DNAH17: variants seen among roughly 807,000 people sequenced by gnomAD.
The protein encoded by DNAH17 is axonemal beta dynein heavy chain 17.
Under a neutral mutation model 485.6 loss-of-function variants are expected in DNAH17, and 376 were observed. The observed-to-expected ratio is 0.77, with a 90% CI of 0.71 to 0.84. The LOEUF (loss-of-function observed/expected upper bound fraction) is 0.84, where lower values mean the gene tolerates loss of function less well. Among genes scored for constraint, DNAH17 ranks in the 40% least tolerant of loss-of-function variants. The probability of loss-of-function intolerance (pLI) is 0.00; values close to 1 mark genes in which losing one functional copy is unlikely to be tolerated. For synonymous variants in DNAH17, 3,031 were observed against 2,405.9 expected (o/e 1.26, Z -7.60); for missense variants, 6,370 against 5,839.3 (o/e 1.09, Z -2.96).
At position 78,569,426 on chromosome 17, in the gene DNAH17, C is replaced by T; in HGVS notation, c.1146G>A (p.Glu382=). ...GISLAVNVLK[E]LYQTYDFCCV... ...AGCAGAAGTCGTACGTCTGGTAGAG[C>T]TCCTTCAGCACATTTACAGCCAGGG... Residue 382 remains glutamate, a synonymous_variant, in exon 8 of 81, where the codon GAG becomes GAA. Transcript: ENST00000389840. 2.5e-6 allele frequency: 4 copies of T among 1,612,692 alleles called. No individual in the cohort carries two copies. The highest frequency in any genetic ancestry group is 3.4e-6 in the Non-Finnish European group (4 of 1,179,318).
intron 40 of DNAH17, 116 bp from the exon 41 acceptor site, chr17:78,494,289 C>T (rs988740326): frequency 2.1e-6 from 3 of 1,419,154 alleles, no homozygotes; most frequent in Admixed American, 2.4e-5. Context: ...CCCTTGCCCT[C>T]CGATGCACGT....
Position 78,543,909 on chromosome 17 carries a change from T to C in DNAH17, c.2480A>G (p.Lys827Arg). The C allele has an allele frequency of 6.2e-7, 1 of 1,614,056 alleles. No individual in the cohort carries two copies. Among genetic ancestry groups the C allele is most frequent in the Non-Finnish European group, 8.5e-7 (1 of 1,179,902 alleles). The change falls in exon 17 of 81, where the codon AAG becomes AGG. Residue 827 changes from lysine (K) to arginine (R), a missense_variant. By Grantham distance (26) the Lys-to-Arg change is conservative. Coordinates refer to ENST00000389840, the MANE Select transcript of DNAH17 (RefSeq NM_173628.4). ...DLDGRIANLN[K>R]RYAAVRDAGV... is the part of the protein sequence containing the mutation. ...AGCATCCCTGACTGCTGCGTAGCGC[T>C]TGTTGAGGTTGGCAATTCTTCCATC...
chr17:78,446,173 C>CAAAAAAAAAAAA, intron 69 of DNAH17, among the ~76,000 whole-genome samples: 1 of 57,394 alleles, frequency 1.7e-5, no homozygotes, highest in African/African-American at 7.7e-5. Flanking sequence ...GACTCTGTCT[C>CAAAAAAAAAAAA]AAAAAAAAAA....
At chr17:78,484,821 C>A in intron 48 of DNAH17, 47 bp downstream of exon 48, 1 of 1,486,652 alleles carries the variant, frequency 6.7e-7, no homozygotes, top group South Asian at 1.3e-5. Context: ...GCCCCGCCCT[C>A]ACCGCCCCGG....
rs7405804 is a variant in DNAH17, at chr17:78,476,492, G to A, written c.8154+80C>T. 0.087 allele frequency: 128,393 copies of A among 1,478,328 alleles called. 7,797 individuals are homozygous for A. The highest frequency in any genetic ancestry group is 0.31 in the African/African-American group (21,670 of 70,858). 91.6% of individuals were successfully genotyped at this position (1,478,328 alleles called of 1,614,324 possible). A position where few individuals can be genotyped will look rare whatever the true frequency, so the allele number is the denominator to read the frequency against. On this transcript the variant is annotated intron_variant, in intron 52 of 80. Coordinates refer to ENST00000389840, the MANE Select transcript of DNAH17 (RefSeq NM_173628.4). ...AACAAAGGGCCCTTCTGAGAGGGCTGCAGTTCTCATTGGCCGCCGACACTC... is the reference window on the plus strand; with the variant it reads ...AACAAAGGGCCCTTCTGAGAGGGCTACAGTTCTCATTGGCCGCCGACACTC...
intron 9 of DNAH17, among the ~76,000 whole-genome samples, chr17:78,567,419 G>A (rs536672079): frequency 6.6e-6 from 1 of 152,266 alleles, no homozygotes; most frequent in African/African-American, 2.4e-5. Flanking sequence ...GGAGGAGCTG[G>A]AGAGGATAAA....
intron 5 of DNAH17, 56 bp downstream of exon 5, chr17:78,571,223 C>T: frequency 6.6e-7 from 1 of 1,507,762 alleles, no homozygotes. Context: ...TGACCCAGCC[C>T]TCCCAGGAGG....
At chr17:78,496,119 G>A in intron 37 of DNAH17, 87 bp from the exon 38 acceptor site, 1 of 1,443,262 alleles carries the variant, frequency 6.9e-7, no homozygotes, top group Non-Finnish European at 9.2e-7. Flanking sequence ...TAAAGCATGA[G>A]GCTGCGAATT....
chr17:78,518,421 G>A (rs1340008375), intron 25 of DNAH17, among the ~76,000 whole-genome samples: 1 of 152,120 alleles, frequency 6.6e-6, no homozygotes, highest in Non-Finnish European at 1.5e-5. Flanking sequence ...TACATAATGG[G>A]AAAAAGGGTC....
At position 78,558,612 on chromosome 17, in the gene DNAH17, G is replaced by A. The variant is rs964986190; in HGVS notation, c.2032-358C>T. Among the ~76,000 whole-genome samples, 3 of 152,162 alleles carry A rather than the reference G, an allele frequency of 2.0e-5. No homozygotes were observed. The South Asian group carries it at 6.2e-4, about 32-fold the overall frequency. Reference sequence around the variant, plus strand: ...GACATTATCCTTATGGGTGGATGATGTCATCATTGTAGGTGGATGATATCA... The same window carrying A: ...GACATTATCCTTATGGGTGGATGATATCATCATTGTAGGTGGATGATATCA... On this transcript the variant is annotated intron_variant, in intron 13 of 80. Transcript: ENST00000389840.
intron 13 of DNAH17, among the ~76,000 whole-genome samples, chr17:78,560,243 T>C (rs961943254): frequency 6.6e-6 from 1 of 152,188 alleles, no homozygotes; most frequent in Admixed American, 6.5e-5. Flanking sequence ...GAATGAATGT[T>C]AGTGAGTGGG....
At position 78,434,207 on chromosome 17, in the gene DNAH17, A is replaced by G; in HGVS notation, c.12047T>C (p.Met4016Thr). 1 of 1,607,904 alleles carries G rather than the reference A, an allele frequency of 6.2e-7. No homozygotes were observed. Among genetic ancestry groups the G allele is most frequent in the Non-Finnish European group, 8.5e-7 (1 of 1,175,370 alleles). Residue 4016 changes from methionine (M) to threonine (T), a missense_variant, in exon 75 of 81, where the codon ATG (methionine) becomes ACG (threonine). Physicochemically the swap from Met to Thr is moderately conservative, Grantham distance 81. Coordinates refer to ENST00000389840, the MANE Select transcript of DNAH17 (RefSeq NM_173628.4). Reference protein sequence around the residue: ...LDLFTQDTLEMCTKEMEFKCM... With the variant: ...LDLFTQDTLETCTKEMEFKCM... ...CTTGAACTCCATCTCCTTGGTGCAC[A>G]TCTCCAGGGTGTCCTGTGGGGCACA...
intron 16 of DNAH17, among the ~76,000 whole-genome samples, chr17:78,544,811 A>AG (rs2091710167): frequency 6.7e-6 from 1 of 150,052 alleles, no homozygotes; most frequent in Non-Finnish European, 1.5e-5. Context: ...AAAAAAAAAA[A>AG]AAAAAAAAAA....
chr17:78,476,619 C>T lies in DNAH17; in HGVS notation c.8107G>A (p.Glu2703Lys). Reference sequence around the variant, plus strand: ...GCCATGGTGACTCTATGCAATGTTTCCTGGTCTTTTTCGTCAACCATTTTG... The same window carrying T: ...GCCATGGTGACTCTATGCAATGTTTTCTGGTCTTTTTCGTCAACCATTTTG... Reference protein sequence around the residue: ...GDKMVDEKDQETLHRVTMAST... With the variant: ...GDKMVDEKDQKTLHRVTMAST... Residue 2703 changes from glutamate (E) to lysine (K), a missense_variant, in exon 52 of 81, where the codon GAA becomes AAA. Transcript: ENST00000389840. 1 of 1,611,814 alleles carries T rather than the reference C, an allele frequency of 6.2e-7. No homozygotes were observed. The highest frequency in any genetic ancestry group is 8.5e-7 in the Non-Finnish European group (1 of 1,178,982).
At chr17:78,567,862 G>T (rs1430332273) in intron 9 of DNAH17, among the ~76,000 whole-genome samples, 2 of 152,124 alleles carry the variant, frequency 1.3e-5, no homozygotes, top group East Asian at 3.9e-4. Flanking sequence ...CCCAAATGAG[G>T]TCTCCAAGGC....
At chr17:78,436,178 G>C (rs1468046098) in intron 74 of DNAH17, among the ~76,000 whole-genome samples, 1 of 152,218 alleles carries the variant, frequency 6.6e-6, no homozygotes, top group Admixed American at 6.5e-5. Context: ...TGTAATCCCA[G>C]CTATTTGGGA....
chr17:78,452,173 A>G (rs186265406), intron 65 of DNAH17, among the ~76,000 whole-genome samples: 290 of 151,268 alleles, frequency 1.9e-3, no homozygotes, highest in African/African-American at 6.7e-3. Context: ...CCCCTCCCAG[A>G]GTCTAGGACC....
chr17:78,468,885 T>G lies in DNAH17; in HGVS notation c.8512-2A>C, dbSNP rs1447968038. On this transcript the variant is annotated splice_acceptor_variant, in intron 54 of 80. Transcript: ENST00000389840. LOFTEE classifies it high-confidence loss of function. The stretch of plus-strand genomic sequence containing the variant: ...TATGTACTGAGCAGCGAGGTCAATC[T>G]GGACGGAGTGAGGACACGCTTAGGG... 1 of 1,611,804 alleles carries G rather than the reference T, an allele frequency of 6.2e-7. No homozygotes were observed.
Position 78,479,530 on chromosome 17 carries a change from T to C in DNAH17, c.7855A>G (p.Met2619Val), listed in dbSNP as rs532581347. 2 of 1,613,534 alleles carry C rather than the reference T, an allele frequency of 1.2e-6. No individual in the cohort carries two copies. The highest frequency in any genetic ancestry group is 2.2e-5 in the South Asian group (2 of 91,070). ...TQHLAFRSVSMAIQRISSQLV... is the reference protein window; with the variant it reads ...TQHLAFRSVSVAIQRISSQLV... ...TGGCTGCTTATCCTCTGGATAGCCA[T>C]GGAGACCGAGCGGAAGGCCAGGTGC... The change falls in exon 50 of 81, where the codon ATG (methionine) becomes GTG (valine). Residue 2619 changes from methionine (M) to valine (V), a missense_variant. Physicochemically the swap from Met to Val is conservative, Grantham distance 21. Transcript: ENST00000389840.
Sources: allele counts gnomAD v4.1 joint callset (sites outside exome capture counted in the v4.1 genomes callset), GRCh38; gene constraint gnomAD v4.1.1; transcripts MANE v1.5; gene names NCBI Gene and HGNC (gene_info 2026-07-23, HGNC 2026-07-21).